FHIT: variants seen among roughly 807,000 people sequenced by gnomAD.
FHIT encodes bis(5'-adenosyl)-triphosphatase.
FHIT carries 19 observed loss-of-function variants against 17.9 expected under a neutral mutation model. The observed-to-expected ratio is 1.06, with a 90% CI of 0.74 to 1.56. The LOEUF is 1.56. FHIT is among the 40% of genes most tolerant of loss of function. The pLI, the probability that FHIT is intolerant of heterozygous loss-of-function variation, is 0.00. For missense variants in FHIT, 248 were observed against 189.2 expected (o/e 1.31, Z -1.82); for synonymous variants, 81 against 69.7 (o/e 1.16, Z -0.81).
At chr3:60,062,557 C>G (rs1702335847) in intron 5 of FHIT, among the ~76,000 whole-genome samples, 1 of 152,098 alleles carries the variant, frequency 6.6e-6, no homozygotes, top group African/African-American at 2.4e-5. Flanking sequence ...TGAATTTAAC[C>G]CCAGGTCTCC....
At chr3:60,727,052 C>T (rs1316591820) in intron 4 of FHIT, among the ~76,000 whole-genome samples, 1 of 152,030 alleles carries the variant, frequency 6.6e-6, no homozygotes, top group African/African-American at 2.4e-5. Flanking sequence ...ACTGCATTTC[C>T]ACTGGGATTT....
intron 5 of FHIT, among the ~76,000 whole-genome samples, chr3:60,506,950 T>C (rs1215782932): frequency 6.6e-6 from 1 of 152,156 alleles, no homozygotes; most frequent in Non-Finnish European, 1.5e-5. Flanking sequence ...TAAATTGTGA[T>C]TTAGTGTGTG....
At chr3:61,216,338 T>C (rs1224119232) in intron 1 of FHIT, among the ~76,000 whole-genome samples, 1 of 152,096 alleles carries the variant, frequency 6.6e-6, no homozygotes, top group South Asian at 2.1e-4. Flanking sequence ...GCGAAGGACA[T>C]GAAGAGACAC....
At chr3:59,957,143 C>G (rs79048170) in intron 7 of FHIT, among the ~76,000 whole-genome samples, 1,704 of 152,312 alleles carry the variant, frequency 0.011, 40 homozygotes, top group African/African-American at 0.038. Flanking sequence ...TCCCCAGTAC[C>G]TCTCAATGTG....
intron 5 of FHIT, among the ~76,000 whole-genome samples, chr3:60,035,483 G>A (rs541422750): frequency 2.6e-5 from 4 of 152,286 alleles, no homozygotes; most frequent in Admixed American, 2.0e-4. Context: ...GCCTCCCAAA[G>A]TGTTGGGATT....
intron 5 of FHIT, among the ~76,000 whole-genome samples, chr3:60,103,086 A>T (rs77217412): frequency 0.013 from 1,979 of 152,288 alleles, 33 homozygotes; most frequent in African/African-American, 0.044. Flanking sequence ...AACACATCAC[A>T]GCTTACTGCT....
At chr3:61,206,553 C>T (rs1441424631) in intron 1 of FHIT, among the ~76,000 whole-genome samples, 1 of 152,108 alleles carries the variant, frequency 6.6e-6, no homozygotes, top group African/African-American at 2.4e-5. Flanking sequence ...AAGATGGATT[C>T]CTAGGTATTT....
At chr3:60,021,725 G>A (rs1700559326) in intron 5 of FHIT, among the ~76,000 whole-genome samples, 2 of 152,188 alleles carry the variant, frequency 1.3e-5, no homozygotes, top group South Asian at 2.1e-4. Flanking sequence ...TAGCTATTAA[G>A]TGAAAATCCC....
intron 3 of FHIT, among the ~76,000 whole-genome samples, chr3:60,999,164 A>G (rs1221688765): frequency 6.6e-6 from 1 of 152,168 alleles, no homozygotes; most frequent in East Asian, 1.9e-4. Context: ...AACTCAGACT[A>G]GAGAGCCACA....
intron 3 of FHIT, among the ~76,000 whole-genome samples, chr3:60,981,312 CT>C (rs1238658326): frequency 0.01 from 828 of 81,596 alleles, 2 homozygotes; most frequent in African/African-American, 0.033. Context: ...TTTTTTTTTT[CT>C]TTTTTTTTTT....
At chr3:61,050,547 TA>T (rs1227395657) in intron 2 of FHIT, among the ~76,000 whole-genome samples, 2 of 152,058 alleles carry the variant, frequency 1.3e-5, no homozygotes, top group Admixed American at 1.3e-4. Context: ...ATAAAGGAGG[TA>T]AGGCCCTTAT....
In FHIT at chr3:60,703,035, G is replaced by A. The variant is rs566938543; in HGVS notation, c.-18+118884C>T. On this transcript the variant is annotated intron_variant, in intron 4 of 9. Transcript: ENST00000492590. ...TTTATTTTGAAACTGGGTCTTTGCA[G>A]ATGTAATTTGTTAGATTACAGTAAT... Among the ~76,000 whole-genome samples the A allele has an allele frequency of 4.6e-5, 7 of 152,292 alleles. No homozygotes were observed. In the South Asian group the frequency reaches 1.5e-3, roughly 32 times the overall value.
intron 4 of FHIT, among the ~76,000 whole-genome samples, chr3:60,704,817 T>A (rs1331494779): frequency 6.6e-6 from 1 of 152,146 alleles, no homozygotes; most frequent in Admixed American, 6.5e-5. Flanking sequence ...AAACTTACCA[T>A]CAACTACTTG....
In FHIT at chr3:61,030,277, G is replaced by A. The variant is rs116149951; in HGVS notation, c.-111+11770C>T. Among the ~76,000 whole-genome samples the A allele has an allele frequency of 2.4e-3, 360 of 152,206 alleles. 2 individuals are homozygous for A. The highest frequency in any genetic ancestry group is 8.4e-3 in the African/African-American group (350 of 41,542). On this transcript the variant is annotated intron_variant, in intron 3 of 9. Transcript: ENST00000492590. ...GAGCCACCATGCCTGGCCAGAATCT[G>A]CATTTTTAACAAGAACCCCAGGTAA...
intron 3 of FHIT, among the ~76,000 whole-genome samples, chr3:60,983,945 A>G (rs1710605521): frequency 6.6e-6 from 1 of 152,188 alleles, no homozygotes; most frequent in Admixed American, 6.5e-5. Context: ...TGTAATTCAC[A>G]CCTGAAATGA....
intron 5 of FHIT, among the ~76,000 whole-genome samples, chr3:60,361,857 A>G (rs889265680): frequency 6.6e-6 from 1 of 152,184 alleles, no homozygotes; most frequent in African/African-American, 2.4e-5. Flanking sequence ...GTACTATCTC[A>G]TATCTCACGG....
chr3:60,881,257 A>C (rs571767242), intron 3 of FHIT, among the ~76,000 whole-genome samples: 1 of 152,236 alleles, frequency 6.6e-6, no homozygotes, highest in Non-Finnish European at 1.5e-5. Flanking sequence ...CAACAGTTAT[A>C]TATGCATCCA....
intron 3 of FHIT, among the ~76,000 whole-genome samples, chr3:60,876,629 G>C (rs1243678766): frequency 6.6e-6 from 1 of 152,120 alleles, no homozygotes; most frequent in Non-Finnish European, 1.5e-5. Context: ...TATTTAAGTA[G>C]ACATTATTCT....
intron 7 of FHIT, among the ~76,000 whole-genome samples, chr3:59,935,639 A>G (rs1310841800): frequency 6.6e-6 from 1 of 151,502 alleles, no homozygotes; most frequent in Admixed American, 6.6e-5. Context: ...GGATGAATGG[A>G]TGGATGGGTG....
Sources: allele counts gnomAD v4.1 joint callset (sites outside exome capture counted in the v4.1 genomes callset), GRCh38; gene constraint gnomAD v4.1.1; transcripts MANE v1.5; gene names NCBI Gene and HGNC (gene_info 2026-07-23, HGNC 2026-07-21).